The following NALF1 variants were observed in gnomAD, a reference collection of about 807,000 sequenced individuals.
The protein encoded by NALF1 is NALCN channel auxiliary factor 1, also known as family with sequence similarity 155 member A.
A neutral mutation model predicts 48.4 loss-of-function variants in NALF1; 3 were observed. That is an observed-to-expected ratio of 0.06 (90% CI 0.03 to 0.16). The LOEUF is 0.16. Ranked by LOEUF, NALF1 falls within the 10% of genes least tolerant of loss-of-function variation. The pLI is 1.00. For synonymous variants in NALF1, 262 were observed against 245.7 expected (o/e 1.07, Z -0.62); for missense variants, 526 against 571.5 (o/e 0.92, Z 0.81).
At chr13:107,638,752 G>A (rs951118288) in intron 1 of NALF1, among the ~76,000 whole-genome samples, 7 of 152,130 alleles carry the variant, frequency 4.6e-5, no homozygotes, top group Admixed American at 3.3e-4. Flanking sequence ...TGAAGATTTT[G>A]GAGAAAAGCT....
intron 1 of NALF1, among the ~76,000 whole-genome samples, chr13:107,273,031 GCC>G (rs1316888543): frequency 2.0e-5 from 3 of 152,186 alleles, no homozygotes; most frequent in Non-Finnish European, 4.4e-5. Flanking sequence ...AACAGCAGAA[GCC>G]GGAAGGTCAC....
At position 107,867,045 on chromosome 13, in the gene NALF1, C is replaced by T. The variant is rs570500897; in HGVS notation, c.-449G>A. Among the ~76,000 whole-genome samples, 224 of 151,916 alleles carry T rather than the reference C, an allele frequency of 1.5e-3. No individual in the cohort carries two copies. The highest frequency in any genetic ancestry group is 2.6e-3 in the Non-Finnish European group (178 of 67,892). On this transcript the variant is annotated 5_prime_UTR_variant, in exon 1 of 3. Coordinates refer to ENST00000375915, the MANE Select transcript of NALF1 (RefSeq NM_001080396.3). This position sits in a 1 kb window ranked among gnomAD's most constrained non-coding sequence, Gnocchi z 4.4. Reference sequence around the variant, plus strand: ...TGTCAGCGCGCGGGTCCCCATGGCCCCGCGGAGCCCAGCCCGCTCTCCCCT... The same window carrying T: ...TGTCAGCGCGCGGGTCCCCATGGCCTCGCGGAGCCCAGCCCGCTCTCCCCT...
intron 1 of NALF1, among the ~76,000 whole-genome samples, chr13:107,843,803 A>C (rs868385092): frequency 1.1e-4 from 17 of 152,326 alleles, no homozygotes; most frequent in African/African-American, 4.1e-4. Flanking sequence ...GAATGGAATC[A>C]GACCAAAAAA....
intron 1 of NALF1, among the ~76,000 whole-genome samples, chr13:107,595,192 T>C (rs990299194): frequency 6.6e-6 from 1 of 152,110 alleles, no homozygotes; most frequent in Non-Finnish European, 1.5e-5. Flanking sequence ...ACTTTCAACC[T>C]AGTCATTTGG....
intron 1 of NALF1, among the ~76,000 whole-genome samples, chr13:107,509,033 T>C (rs1413277265): frequency 1.3e-5 from 2 of 152,166 alleles, no homozygotes; most frequent in Non-Finnish European, 2.9e-5. Context: ...TAACAGCTAG[T>C]AAATTCAATT....
intron 1 of NALF1, among the ~76,000 whole-genome samples, chr13:107,335,685 A>G (rs1882542335): frequency 6.6e-6 from 1 of 152,142 alleles, no homozygotes; most frequent in African/African-American, 2.4e-5. Flanking sequence ...GTAAATGATA[A>G]TGTACTGTTT....
intron 1 of NALF1, among the ~76,000 whole-genome samples, chr13:107,280,689 T>C (rs1460670473): frequency 6.6e-6 from 1 of 152,216 alleles, no homozygotes; most frequent in Admixed American, 6.5e-5. Flanking sequence ...TAAGAGTCTT[T>C]CTATTCCGAA....
chr13:107,733,897 T>C (rs1566461703), intron 1 of NALF1, among the ~76,000 whole-genome samples: 1 of 152,168 alleles, frequency 6.6e-6, no homozygotes, highest in Admixed American at 6.6e-5. Context: ...TGGAACATTT[T>C]CTCATTGTGT....
At chr13:107,697,453 C>G (rs1486150021) in intron 1 of NALF1, among the ~76,000 whole-genome samples, 1 of 151,930 alleles carries the variant, frequency 6.6e-6, no homozygotes, top group Admixed American at 6.6e-5. Context: ...AACTTTATAC[C>G]TTCATGTTCT....
At chr13:107,647,793 C>A (rs1880350564) in intron 1 of NALF1, among the ~76,000 whole-genome samples, 2 of 152,092 alleles carry the variant, frequency 1.3e-5, no homozygotes, top group South Asian at 2.1e-4. Context: ...ATGCAAACAA[C>A]TGAGTTAAAT....
At chr13:107,508,706 C>T (rs1215825566) in intron 1 of NALF1, among the ~76,000 whole-genome samples, 1 of 152,072 alleles carries the variant, frequency 6.6e-6, no homozygotes, top group African/African-American at 2.4e-5. Flanking sequence ...GAAAGACAAG[C>T]CTGGCTGTGC....
chr13:107,688,032 T>C (rs1016083140), intron 1 of NALF1, among the ~76,000 whole-genome samples: 1 of 152,198 alleles, frequency 6.6e-6, no homozygotes, highest in Non-Finnish European at 1.5e-5. Flanking sequence ...ACAACAATAT[T>C]AACTAAAAAA....
At chr13:107,399,302 T>G (rs1883764050) in intron 1 of NALF1, among the ~76,000 whole-genome samples, 4 of 152,076 alleles carry the variant, frequency 2.6e-5, no homozygotes. Flanking sequence ...ACATAGATAA[T>G]TGTGTGTGTG....
At chr13:107,380,232 C>A (rs1883409234) in intron 1 of NALF1, among the ~76,000 whole-genome samples, 1 of 152,162 alleles carries the variant, frequency 6.6e-6, no homozygotes, top group South Asian at 2.1e-4. Context: ...ACTAGTATTT[C>A]TAATGTTCCT....
intron 1 of NALF1, among the ~76,000 whole-genome samples, chr13:107,478,509 T>G (rs2139058639): frequency 6.6e-6 from 1 of 152,266 alleles, no homozygotes; most frequent in African/African-American, 2.4e-5. Flanking sequence ...GGCTGTTCTT[T>G]GCATTAATTT....
chr13:107,192,396 C>T (rs180729526), intron 2 of NALF1, among the ~76,000 whole-genome samples: 22 of 152,214 alleles, frequency 1.4e-4, no homozygotes, highest in African/African-American at 4.6e-4. Context: ...GTTGCGACCG[C>T]GGCCCTGACC....
chr13:107,384,841 T>C (rs1883501057), intron 1 of NALF1, among the ~76,000 whole-genome samples: 1 of 152,230 alleles, frequency 6.6e-6, no homozygotes, highest in South Asian at 2.1e-4. Flanking sequence ...CTTTGCTTTC[T>C]CAGGCAGGAT....
At chr13:107,413,160 T>C (rs1310602979) in intron 1 of NALF1, among the ~76,000 whole-genome samples, 2 of 152,158 alleles carry the variant, frequency 1.3e-5, no homozygotes, top group East Asian at 1.9e-4. Context: ...TTCTGCCAAA[T>C]TGAAAAGTTG....
At chr13:107,587,417 T>C (rs755518688) in intron 1 of NALF1, among the ~76,000 whole-genome samples, 4 of 152,172 alleles carry the variant, frequency 2.6e-5, no homozygotes, top group African/African-American at 9.6e-5. Flanking sequence ...CCTATTTCAA[T>C]TGTGACTTGA....
Sources: gnomAD v4.1 joint callset for allele counts (sites outside exome capture counted in the v4.1 genomes callset) on GRCh38, gnomAD v4.1.1 for gene constraint, Gnocchi (gnomAD v3.1) non-coding constraint, MANE v1.5 for transcripts, NCBI Gene and HGNC (gene_info 2026-07-23, HGNC 2026-07-21) for gene names.